Variants in RAB40C observed in about 807,000 individuals in gnomAD.
The protein encoded by RAB40C is ras-related protein Rab-40C.
RAB40C carries 8 observed loss-of-function variants against 28.1 expected under a neutral mutation model. The ratio of observed to expected loss-of-function variants is 0.28; its 90% CI spans 0.17 to 0.51. RAB40C has a LOEUF of 0.51. Among genes scored for constraint, RAB40C ranks in the 20% least tolerant of loss-of-function variants. The pLI is 0.97. For missense variants in RAB40C, 288 were observed against 405.9 expected, an observed-to-expected ratio of 0.71 and a Z score of 2.50; for synonymous variants, 201 against 171.7, an observed-to-expected ratio of 1.17 and a Z score of -1.34.
At chr16:623,834 C>T (rs2036772113) in intron 3 of RAB40C, 2 of 488,764 alleles carry the variant, frequency 4.1e-6, no homozygotes, top group Non-Finnish European at 5.3e-6. Flanking sequence ...CCTGTATTCC[C>T]AGCCACTCAG....
At position 610,754 on chromosome 16, in the gene RAB40C, C is replaced by T. The variant is rs537783823; in HGVS notation, c.143-6454C>T. On this transcript the variant is annotated intron_variant, in intron 1 of 5. Transcript: ENST00000248139. This position sits in a 1 kb window ranked among gnomAD's most constrained non-coding sequence, Gnocchi z 4.6. ...CCCTCTACCCCGCCCTGCCCCACCC[C>T]GTCACCTGCTTGCCCTGACCCTGCC... is the stretch of plus-strand genomic sequence containing the variant. Among the ~76,000 whole-genome samples the T allele has an allele frequency of 2.7e-4, 41 of 151,882 alleles. No individual in the cohort carries two copies. Among genetic ancestry groups the T allele is most frequent in the South Asian group, 4.2e-4 (2 of 4,806 alleles).
At position 615,891 on chromosome 16, in the gene RAB40C, G is replaced by A. The variant is rs1463925632; in HGVS notation, c.143-1317G>A. On this transcript the variant is annotated intron_variant, in intron 1 of 5. Coordinates refer to ENST00000248139, the MANE Select transcript of RAB40C (RefSeq NM_021168.5). ...GCAGGAGAATCGCTTGAACCCGGGA[G>A]GTGGAGGTTGTAGTGACCCGAGATT... Among the ~76,000 whole-genome samples the A allele has an allele frequency of 1.1e-4, 17 of 152,204 alleles. 1 individual carries two copies. In the South Asian group the frequency reaches 3.5e-3, roughly 32 times the overall value.
rs1176236829 is a variant in RAB40C at position 615,488 on chromosome 16, G to T, written c.143-1720G>T. Among the ~76,000 whole-genome samples the T allele has an allele frequency of 2.0e-5, 3 of 152,100 alleles. No homozygotes were observed. In the East Asian group the frequency reaches 5.8e-4, roughly 29 times the overall value. Reference sequence around the variant, plus strand: ...TGTCATAAAAAGACAAAACGTGAATGGTGTTTCTAAGGTGGGGGAAGGGGC... The same window carrying T: ...TGTCATAAAAAGACAAAACGTGAATTGTGTTTCTAAGGTGGGGGAAGGGGC... On this transcript the variant is annotated intron_variant, in intron 1 of 5. Transcript: ENST00000248139.
intron 3 of RAB40C, among the ~76,000 whole-genome samples, chr16:622,137 C>T (rs1437331500): frequency 6.6e-5 from 10 of 152,208 alleles, no homozygotes; most frequent in Non-Finnish European, 1.5e-5. Flanking sequence ...TTGTAAGTTA[C>T]AGCTCAGTAA....
At chr16:625,621 G>A in intron 4 of RAB40C, 112 bp downstream of exon 4, 5 of 1,134,340 alleles carry the variant, frequency 4.4e-6, no homozygotes, top group South Asian at 1.3e-5. Flanking sequence ...CCCCGGCTCT[G>A]CACCCTGCAC....
rs1470475118 is a variant in RAB40C, at chr16:610,759, C to T, written c.143-6449C>T. On this transcript the variant is annotated intron_variant, in intron 1 of 5. Coordinates refer to ENST00000248139, the MANE Select transcript of RAB40C (RefSeq NM_021168.5). The surrounding 1 kb of genome is among the most constrained non-coding windows in gnomAD (Gnocchi z 4.6). ...TACCCCGCCCTGCCCCACCCCGTCA[C>T]CTGCTTGCCCTGACCCTGCCTGGAT... is the stretch of plus-strand genomic sequence containing the variant. 2.0e-5 allele frequency among the ~76,000 whole-genome samples: 3 copies of T among 151,278 alleles called. No homozygotes were observed. Among genetic ancestry groups the T allele is most frequent in the African/African-American group, 4.9e-5 (2 of 41,218 alleles).
chr16:618,158 A>T, intron 2 of RAB40C, 42 bp from the exon 3 acceptor site: 1 of 1,594,268 alleles, frequency 6.3e-7, no homozygotes, highest in South Asian at 1.1e-5. Context: ...AGCCTCTCAC[A>T]GGGACCACAG....
In RAB40C at chr16:627,889, G is replaced by C. The variant is rs997391664; in HGVS notation, c.*267G>C. On this transcript the variant is annotated 3_prime_UTR_variant, in exon 6 of 6. Transcript: ENST00000248139. Reference sequence around the variant, plus strand: ...CGGGCCTCCCCAGCTGCCTGGGCTTGACCGGCGGGGAGCCTGGTTGGCCTT... The same window carrying C: ...CGGGCCTCCCCAGCTGCCTGGGCTTCACCGGCGGGGAGCCTGGTTGGCCTT... 9.1e-6 allele frequency: 4 copies of C among 441,818 alleles called. No homozygotes were observed. Among genetic ancestry groups the C allele is most frequent in the African/African-American group, 8.0e-5 (4 of 49,698 alleles). The allele number at this position is 441,818 out of a possible 1,614,324, so 27.4% of individuals were successfully genotyped here. A position where few individuals can be genotyped will look rare whatever the true frequency, so the allele number is the denominator to read the frequency against.
upstream of RAB40C, chr16:589,721 A>T (rs1411963977): frequency 6.6e-6 from 1 of 151,592 alleles, no homozygotes; most frequent in African/African-American, 2.4e-5. Flanking sequence ...GTGAACTTAT[A>T]ATCGAACCAA....
chr16:616,273 C>A (rs567267011), intron 1 of RAB40C, among the ~76,000 whole-genome samples: 2 of 151,102 alleles, frequency 1.3e-5, no homozygotes, highest in South Asian at 4.2e-4. Context: ...AAAAAAAATA[C>A]CAATGTGGCA....
At chr16:619,758 G>A (rs1235161161) in intron 3 of RAB40C, among the ~76,000 whole-genome samples, 1 of 152,314 alleles carries the variant, frequency 6.6e-6, no homozygotes, top group South Asian at 2.1e-4. Flanking sequence ...AGGTGGGTCC[G>A]CTCTGGGCAG....
intron 1 of RAB40C, among the ~76,000 whole-genome samples, chr16:609,931 A>G (rs2036448399): frequency 6.6e-6 from 1 of 152,108 alleles, no homozygotes; most frequent in African/African-American, 2.4e-5. Context: ...AGAGTACGAA[A>G]AAGACCACCC....
intron 1 of RAB40C, among the ~76,000 whole-genome samples, chr16:600,659 G>A (rs1477155591): frequency 3.3e-5 from 5 of 152,228 alleles, no homozygotes; most frequent in Non-Finnish European, 5.9e-5. Flanking sequence ...GCTGAGGCAG[G>A]AGAATCGCTT....
In RAB40C at chr16:610,698, G is replaced by C. The variant is rs113240348; in HGVS notation, c.143-6510G>C. ...CCAGCGCGGGCTCCAGGCCTCTCCT[G>C]GGTCACTGCTCTGTGCCTCCAGGAG... On this transcript the variant is annotated intron_variant, in intron 1 of 5. Transcript: ENST00000248139. This position sits in a 1 kb window ranked among gnomAD's most constrained non-coding sequence, Gnocchi z 4.6. 4.6e-5 allele frequency among the ~76,000 whole-genome samples: 7 copies of C among 152,036 alleles called. 1 individual carries two copies. The highest frequency in any genetic ancestry group is 1.7e-4 in the African/African-American group (7 of 41,490).
At chr16:625,631 C>A in intron 4 of RAB40C, 122 bp downstream of exon 4, 1 of 1,072,002 alleles carries the variant, frequency 9.3e-7, no homozygotes, top group Non-Finnish European at 1.4e-6. Context: ...GCACCCTGCA[C>A]TGTCCCACGG....
At chr16:601,318 G>A (rs550221732) in intron 1 of RAB40C, among the ~76,000 whole-genome samples, 58 of 152,314 alleles carry the variant, frequency 3.8e-4, no homozygotes, top group African/African-American at 1.2e-3. Context: ...AGGAGAAACC[G>A]TCTGTGTCCA....
At chr16:616,333 T>TTTTTTTTATTTA (rs376410585) in intron 1 of RAB40C, among the ~76,000 whole-genome samples, 2 of 141,570 alleles carry the variant, frequency 1.4e-5, no homozygotes, top group African/African-American at 2.7e-5. Flanking sequence ...AGAAGCAGCA[T>TTTTTTTTATTTA]TTTATTTATT....
intron 2 of RAB40C, 58 bp from the exon 3 acceptor site, chr16:618,142 G>A (rs2036627004): frequency 6.5e-7 from 1 of 1,542,164 alleles, no homozygotes; most frequent in South Asian, 1.1e-5. Context: ...AGGAGGGAAG[G>A]AGGTGAGCCT....
intron 1 of RAB40C, among the ~76,000 whole-genome samples, chr16:601,497 GC>G (rs1449654930): frequency 6.6e-6 from 1 of 152,120 alleles, no homozygotes; most frequent in Admixed American, 6.6e-5. Context: ...CAGACTCCGG[GC>G]AGGTCCCCGC....
Sources: gnomAD v4.1 joint callset for allele counts (sites outside exome capture counted in the v4.1 genomes callset) on GRCh38, gnomAD v4.1.1 for gene constraint, Gnocchi (gnomAD v3.1) non-coding constraint, MANE v1.5 for transcripts, NCBI Gene and HGNC (gene_info 2026-07-23, HGNC 2026-07-21) for gene names.